The following TMEM255B variants were observed in gnomAD, a reference collection of about 807,000 sequenced individuals.
The protein encoded by TMEM255B is family with sequence similarity 70, member B.
TMEM255B carries 35 observed loss-of-function variants against 34.5 expected under a neutral mutation model. The observed-to-expected ratio is 1.01, with a 90% CI of 0.77 to 1.34. The LOEUF (loss-of-function observed/expected upper bound fraction) is 1.34, where lower values mean the gene tolerates loss of function less well. TMEM255B is among the 40% of genes most tolerant of loss of function. TMEM255B has a pLI of 0.00. For missense variants in TMEM255B, 432 were observed against 433.2 expected (o/e 1.00, Z 0.02); for synonymous variants, 206 against 201.2 (o/e 1.02, Z -0.20).
At chr13:113,762,431 A>G (rs1462557948) in intron 1 of TMEM255B, among the ~76,000 whole-genome samples, 1 of 152,194 alleles carries the variant, frequency 6.6e-6, no homozygotes, top group Non-Finnish European at 1.5e-5. Flanking sequence ...CTAGACTTGT[A>G]TAATCTAGGA....
At chr13:113,791,670 T>G (rs910653257) in intron 3 of TMEM255B, among the ~76,000 whole-genome samples, 5 of 152,206 alleles carry the variant, frequency 3.3e-5, no homozygotes, top group African/African-American at 1.2e-4. Context: ...CAAATTGTGA[T>G]GATGATGTCA....
intron 2 of TMEM255B, 118 bp from the exon 3 acceptor site, chr13:113,768,980 C>T (rs1327970677): frequency 8.8e-7 from 1 of 1,131,986 alleles, no homozygotes; most frequent in African/African-American, 1.5e-5. Flanking sequence ...GTAGGGATGT[C>T]TGGCCTTCGT....
chr13:113,762,248 AT>A (rs576435067), intron 1 of TMEM255B, among the ~76,000 whole-genome samples: 1 of 151,418 alleles, frequency 6.6e-6, no homozygotes, highest in Non-Finnish European at 1.5e-5. Context: ...TCTTGAGTTT[AT>A]TTTTTTTCTC....
chr13:113,802,257 C>T (rs537479202), intron 7 of TMEM255B, among the ~76,000 whole-genome samples: 38 of 152,288 alleles, frequency 2.5e-4, no homozygotes, highest in Middle Eastern at 6.8e-3. Context: ...GGGCCCCTCG[C>T]GGGAGGTGGG....
chr13:113,786,220 C>T (rs2050738183), intron 3 of TMEM255B, among the ~76,000 whole-genome samples: 1 of 150,134 alleles, frequency 6.7e-6, no homozygotes, highest in Non-Finnish European at 1.5e-5. Context: ...GTCACCATCC[C>T]TACTGTCATC....
Position 113,811,954 on chromosome 13 carries a change from G to C in TMEM255B, c.*51G>C, listed in dbSNP as rs1175175829. ...TGTTTGTTTTTTTTTTTAAAAAAAA[G>C]GCAGCCTCTAGAAATCCCGCTTCTG... On this transcript the variant is annotated 3_prime_UTR_variant, in exon 9 of 9. Transcript: ENST00000375353. The C allele has an allele frequency of 6.8e-7, 1 of 1,477,732 alleles. No homozygotes were observed. The highest frequency in any genetic ancestry group is 9.1e-7 in the Non-Finnish European group (1 of 1,102,144). The allele number at this position is 1,477,732 out of a possible 1,614,324, so 91.5% of individuals were successfully genotyped here. A position where few individuals can be genotyped will look rare whatever the true frequency, so the allele number is the denominator to read the frequency against.
At position 113,812,916 on chromosome 13, in the gene TMEM255B, G is replaced by A. The variant is rs2051346958; in HGVS notation, c.*1013G>A. On this transcript the variant is annotated 3_prime_UTR_variant, in exon 9 of 9. Coordinates refer to ENST00000375353, the MANE Select transcript of TMEM255B (RefSeq NM_182614.4). ...GCCCCGGGTGAGTCACAGGCCCCGG[G>A]TGAGTCACGGGTCCCGGGTGGGTCA... The A allele has an allele frequency of 7.5e-6, 1 of 133,810 alleles. No individual in the cohort carries two copies. The highest frequency in any genetic ancestry group is 3.1e-5 in the African/African-American group (1 of 32,518). The allele number at this position is 133,810 out of a possible 1,614,324, so 8.3% of individuals were successfully genotyped here.
chr13:113,784,731 ATTGCT>A (rs1195057661), intron 3 of TMEM255B, among the ~76,000 whole-genome samples: 3 of 152,172 alleles, frequency 2.0e-5, no homozygotes, highest in African/African-American at 7.2e-5. Context: ...CCTTATGCAA[ATTGCT>A]CAGAAAGTAA....
chr13:113,776,870 C>T (rs1344649716), intron 3 of TMEM255B, among the ~76,000 whole-genome samples: 3 of 152,152 alleles, frequency 2.0e-5, no homozygotes, highest in Non-Finnish European at 4.4e-5. Flanking sequence ...AGCTACACCC[C>T]ATGCTGAGCA....
chr13:113,810,347 A>T (rs1230019387), intron 8 of TMEM255B, among the ~76,000 whole-genome samples: 1 of 152,184 alleles, frequency 6.6e-6, no homozygotes, highest in East Asian at 1.9e-4. Flanking sequence ...ATTTAAGGGG[A>T]AAAAAAGAAA....
intron 3 of TMEM255B, among the ~76,000 whole-genome samples, chr13:113,777,416 G>A (rs969666016): frequency 6.6e-6 from 1 of 152,166 alleles, no homozygotes; most frequent in African/African-American, 2.4e-5. Flanking sequence ...GTGCCTGCCC[G>A]TTCCCAGTAC....
At position 113,813,621 on chromosome 13, in the gene TMEM255B, G is replaced by C. The variant is rs1008104477; in HGVS notation, c.*1718G>C. ...CGGGAGCCTCCCTCTGCCCGACGGA[G>C]GGTCTCATCCTGTGTCCAGCGCTCC... On this transcript the variant is annotated 3_prime_UTR_variant, in exon 9 of 9. Transcript: ENST00000375353. 2 of 152,068 alleles carry C rather than the reference G, an allele frequency of 1.3e-5. No homozygotes were observed. Among genetic ancestry groups the C allele is most frequent in the African/African-American group, 4.8e-5 (2 of 41,462 alleles). The allele number at this position is 152,068 out of a possible 1,614,324, so 9.4% of individuals were successfully genotyped here.
intron 1 of TMEM255B, 41 bp from the exon 2 acceptor site, chr13:113,766,074 C>A: frequency 6.2e-7 from 1 of 1,610,588 alleles, no homozygotes; most frequent in Non-Finnish European, 8.5e-7. Flanking sequence ...CCCTCCTGAG[C>A]CTGAGCCCTC....
chr13:113,783,828 T>A (rs1243150806), intron 3 of TMEM255B, among the ~76,000 whole-genome samples: 2 of 151,970 alleles, frequency 1.3e-5, no homozygotes, highest in African/African-American at 4.8e-5. Flanking sequence ...AGGGGGTTCA[T>A]CTGCAGGGTC....
chr13:113,810,470 TAGTC>T (rs2051277529), intron 8 of TMEM255B, among the ~76,000 whole-genome samples: 1 of 152,172 alleles, frequency 6.6e-6, no homozygotes, highest in Non-Finnish European at 1.5e-5. Flanking sequence ...CTATGTGTGT[TAGTC>T]AGGGCTCTCT....
intron 3 of TMEM255B, among the ~76,000 whole-genome samples, chr13:113,779,628 T>G (rs2050636852): frequency 6.6e-6 from 1 of 152,070 alleles, no homozygotes; most frequent in Non-Finnish European, 1.5e-5. Flanking sequence ...GCTCTCTGTT[T>G]GGGGGCGTAG....
At chr13:113,759,424 C>A in intron 1 of TMEM255B, 109 bp downstream of exon 1, 2 of 1,020,286 alleles carry the variant, frequency 2.0e-6, no homozygotes, top group Middle Eastern at 3.0e-4. Context: ...CGCGGAGACG[C>A]GGCACGGGGT....
At chr13:113,794,995 G>C (rs1245107156) in intron 3 of TMEM255B, among the ~76,000 whole-genome samples, 153 bp from the exon 4 acceptor site, 1 of 152,252 alleles carries the variant, frequency 6.6e-6, no homozygotes, top group Non-Finnish European at 1.5e-5. Flanking sequence ...GTCCGGCCTG[G>C]CCAGGGCTGG....
At chr13:113,775,116 CCACACAATACACTA>C (rs2050553878) in intron 3 of TMEM255B, among the ~76,000 whole-genome samples, 1 of 150,702 alleles carries the variant, frequency 6.6e-6, no homozygotes, top group Non-Finnish European at 1.5e-5. Flanking sequence ...AACACACACT[CCACACAATACACTA>C]CACACACCAC....
Sources: allele counts gnomAD v4.1 joint callset (sites outside exome capture counted in the v4.1 genomes callset), GRCh38; gene constraint gnomAD v4.1.1; transcripts MANE v1.5; gene names NCBI Gene and HGNC (gene_info 2026-07-23, HGNC 2026-07-21).